The following GARIN2 variants were observed in gnomAD, a reference collection of about 807,000 sequenced individuals.
GARIN2 encodes the protein golgi associated RAB2 interactor family member 2.
the GARIN2 span, chr14:67,201,467 A>G: frequency 6.6e-6 from 3 of 455,938 alleles, no homozygotes; most frequent in African/African-American, 2.0e-5. Flanking sequence ...AAACAGGACA[A>G]TGATAGCTGC....
At chr14:67,217,338 G>A in the GARIN2 span, among the ~76,000 whole-genome samples, 1 of 151,816 alleles carries the variant, frequency 6.6e-6, no homozygotes. Context: ...CATATAGTTG[G>A]GTCATTTTTT....
At chr14:67,213,950 G>A in the GARIN2 span, among the ~76,000 whole-genome samples, 1 of 152,172 alleles carries the variant, frequency 6.6e-6, no homozygotes, top group Admixed American at 6.5e-5. Flanking sequence ...TTTTTTGGCT[G>A]CATAAATGGC....
At chr14:67,196,177 A>G in the GARIN2 span, among the ~76,000 whole-genome samples, 1 of 150,518 alleles carries the variant, frequency 6.6e-6, no homozygotes, top group Non-Finnish European at 1.5e-5. Context: ...GACAAGTTTC[A>G]TACTGGAGCT....
chr14:67,209,772 C>T, the GARIN2 span, among the ~76,000 whole-genome samples: 1 of 143,138 alleles, frequency 7.0e-6, no homozygotes, highest in African/African-American at 2.6e-5. Context: ...GAGCCGAGAT[C>T]GTGCCATTAA....
the GARIN2 span, among the ~76,000 whole-genome samples, chr14:67,195,690 A>G: frequency 6.6e-6 from 1 of 151,438 alleles, no homozygotes; most frequent in South Asian, 2.1e-4. Flanking sequence ...TGCTAATTAT[A>G]GAACTTAATG....
At chr14:67,206,195 C>G in the GARIN2 span, among the ~76,000 whole-genome samples, 4 of 151,304 alleles carry the variant, frequency 2.6e-5, no homozygotes, top group African/African-American at 7.3e-5. Context: ...AAACACAAAA[C>G]AAAAGAAAAG....
At chr14:67,219,967 G>T in the GARIN2 span, among the ~76,000 whole-genome samples, 1 of 152,168 alleles carries the variant, frequency 6.6e-6, no homozygotes, top group South Asian at 2.1e-4. Flanking sequence ...TGTTAATTAT[G>T]GATGAAAGAT....
chr14:67,224,122 A>T, the GARIN2 span: 3 of 556,094 alleles, frequency 5.4e-6, no homozygotes, highest in South Asian at 1.6e-4. Flanking sequence ...CGAAAGTTAA[A>T]TTTTTTTTCT....
the GARIN2 span, chr14:67,227,439 CAAAAAAAAAA>C: frequency 2.4e-5 from 2 of 83,656 alleles, no homozygotes; most frequent in African/African-American, 7.5e-5. Flanking sequence ...GATGCTGTCT[CAAAAAAAAAA>C]AAAAAAGAAA....
chr14:67,225,981 ATGCG>A, the GARIN2 span, among the ~76,000 whole-genome samples: 1 of 117,466 alleles, frequency 8.5e-6, no homozygotes, highest in South Asian at 2.5e-4. Context: ...GCGCGTGCGC[ATGCG>A]CGTGCATGCT....
chr14:67,215,908 T>G, the GARIN2 span, among the ~76,000 whole-genome samples: 2,260 of 152,304 alleles, frequency 0.015, 46 homozygotes, highest in African/African-American at 0.05. Context: ...TTTCAGCTAC[T>G]TCTTTCCTTG....
the GARIN2 span, chr14:67,227,542 AAGTT>A: frequency 1.3e-5 from 2 of 152,128 alleles, no homozygotes; most frequent in African/African-American, 4.8e-5. Context: ...ATGGTAGAAA[AAGTT>A]AGTTACTAAT....
the GARIN2 span, among the ~76,000 whole-genome samples, chr14:67,218,109 G>C: frequency 1.3e-5 from 2 of 152,274 alleles, no homozygotes; most frequent in East Asian, 3.9e-4. Flanking sequence ...CTTTGCCAGG[G>C]GTAGGCTCAC....
the GARIN2 span, chr14:67,203,105 AG>A: frequency 1.2e-6 from 2 of 1,612,696 alleles, no homozygotes; most frequent in Non-Finnish European, 1.7e-6. Flanking sequence ...TCAACAGAAG[AG>A]GTGAATCCAT....
At chr14:67,208,049 G>A in the GARIN2 span, 100 of 697,494 alleles carry the variant, frequency 1.4e-4, no homozygotes, top group Non-Finnish European at 1.7e-4. Flanking sequence ...CCCAATGGTC[G>A]TGCCATTCTA....
At chr14:67,215,653 C>T in the GARIN2 span, among the ~76,000 whole-genome samples, 11,928 of 152,086 alleles carry the variant, frequency 0.078, 1,089 homozygotes, top group African/African-American at 0.22. Context: ...GGAAAACATA[C>T]CTTTCACTAC....
At chr14:67,215,355 G>A in the GARIN2 span, among the ~76,000 whole-genome samples, 43 of 151,714 alleles carry the variant, frequency 2.8e-4, 1 homozygote, top group East Asian at 4.1e-3. Flanking sequence ...TACTTTTACC[G>A]AGGGCACAGA....
At chr14:67,192,424 G>A in the GARIN2 span, among the ~76,000 whole-genome samples, 2 of 150,812 alleles carry the variant, frequency 1.3e-5, no homozygotes, top group African/African-American at 4.9e-5. Flanking sequence ...ATGTATTTTT[G>A]AGTCACCAAA....
chr14:67,222,017 A>G, the GARIN2 span: 5 of 581,146 alleles, frequency 8.6e-6, no homozygotes, highest in Non-Finnish European at 1.2e-5. Flanking sequence ...TCAAGTGGAA[A>G]ACATTATGGT....
Sources: gnomAD v4.1 joint callset for allele counts (sites outside exome capture counted in the v4.1 genomes callset) on GRCh38, gnomAD v4.1.1 for gene constraint, MANE v1.5 for transcripts, NCBI Gene and HGNC (gene_info 2026-07-23, HGNC 2026-07-21) for gene names.